Variants in SYAP1 observed in about 807,000 individuals in gnomAD.
The protein encoded by SYAP1 is synapse-associated protein 1.
SYAP1 carries 3 observed loss-of-function variants against 29.6 expected under a neutral mutation model. The observed-to-expected ratio is 0.10, with a 90% CI of 0.05 to 0.26. The LOEUF (loss-of-function observed/expected upper bound fraction) is 0.26, where lower values mean the gene tolerates loss of function less well. SYAP1 is among the 10% of genes least tolerant of loss of function. SYAP1 has a pLI of 1.00. For missense variants in SYAP1, 217 were observed against 264.1 expected, an observed-to-expected ratio of 0.82 and a Z score of 1.24; for synonymous variants, 102 against 102.7, an observed-to-expected ratio of 0.99 and a Z score of 0.04.
Position 16,736,177 on chromosome X carries a change from A to G in SYAP1, c.306A>G (p.Gly102=), listed in dbSNP as rs1926325056. The change falls in exon 3 of 9, where the codon GGA becomes GGG. Residue 102 remains glycine (G), a synonymous_variant. Transcript: ENST00000380155. The part of the protein sequence containing the change: ...IDGIIDKTII[G]DFQKEQKKFV... The stretch of plus-strand genomic sequence containing the variant: ...ATTTTTTTTAACAGACAATTATAGG[A>G]GATTTTCAGAAGGAACAGAAAAAAT... 1 of 1,169,604 alleles carries G rather than the reference A, an allele frequency of 8.5e-7. No individual in the cohort carries two copies. Among genetic ancestry groups the G allele is most frequent in the Middle Eastern group, 2.4e-4 (1 of 4,242 alleles).
Position 16,755,062 on chromosome X carries a change from C to T in SYAP1, c.693C>T (p.Ser231=). The T allele has an allele frequency of 8.3e-7, 1 of 1,211,658 alleles. No individual in the cohort carries two copies. The highest frequency in any genetic ancestry group is 3.0e-5 in the East Asian group (1 of 33,836). ...QQQAAGKEEK[S]NGREQDLPLA... ...AGGCCGCAGGGAAGGAGGAGAAGAG[C>T]AATGGCAGAGAGCAAGATTTGCCGC... Residue 231 remains serine (S), a synonymous_variant, in exon 6 of 9, where the codon AGC becomes AGT. Coordinates refer to ENST00000380155, the MANE Select transcript of SYAP1 (RefSeq NM_032796.4).
chrX:16,752,313 A>G (rs1926751603), intron 5 of SYAP1, among the ~76,000 whole-genome samples: 1 of 107,318 alleles, frequency 9.3e-6, no homozygotes. Context: ...TTTTGTATTC[A>G]ACCCTCAAGA....
At chrX:16,759,538 G>A (rs1223170698) in intron 8 of SYAP1, among the ~76,000 whole-genome samples, 1 of 111,811 alleles carries the variant, frequency 8.9e-6, no homozygotes, top group Non-Finnish European at 1.9e-5. Flanking sequence ...AGACCAGTGT[G>A]AGAGCTCCAG....
intron 7 of SYAP1, 42 bp from the exon 8 acceptor site, chrX:16,757,120 C>T (rs2147438094): frequency 4.2e-6 from 5 of 1,195,380 alleles, no homozygotes; most frequent in Non-Finnish European, 2.3e-6. Flanking sequence ...ACACAAATGT[C>T]GCTTAGCAAA....
intron 1 of SYAP1, 109 bp from the exon 2 acceptor site, chrX:16,735,118 C>CTTATGAACA (rs1427471021): frequency 2.4e-6 from 1 of 415,034 alleles, no homozygotes; most frequent in East Asian, 4.4e-5. Context: ...TTACTTGTTT[C>CTTATGAACA]AGGTCCTTAT....
At chrX:16,747,252 G>T (rs1430943320) in intron 5 of SYAP1, among the ~76,000 whole-genome samples, 1 of 111,922 alleles carries the variant, frequency 8.9e-6, no homozygotes, top group Non-Finnish European at 1.9e-5. Context: ...GCTCCTGGTA[G>T]AATTGAATTT....
In SYAP1 at chrX:16,729,696, C is replaced by A. The variant is rs977704127; in HGVS notation, c.176-5531C>A. Reference sequence around the variant, plus strand: ...ACGGGGTTTCACAATGTTGGCCAGGCTGGTCTTGAACTCCTGACCTTGTGA... The same window carrying A: ...ACGGGGTTTCACAATGTTGGCCAGGATGGTCTTGAACTCCTGACCTTGTGA... On this transcript the variant is annotated intron_variant, in intron 1 of 8. Transcript: ENST00000380155. Among the ~76,000 whole-genome samples the A allele has an allele frequency of 5.4e-5, 6 of 110,711 alleles. No individual in the cohort carries two copies. In the South Asian group the frequency reaches 1.1e-3, roughly 21 times the overall value.
rs764669697 is a variant in SYAP1 at position 16,760,360 on chromosome X, C to T, written c.*1C>T. 1 of 1,185,936 alleles carries T rather than the reference C, an allele frequency of 8.4e-7. No homozygotes were observed. The highest frequency in any genetic ancestry group is 2.4e-5 in the Admixed American group (1 of 41,001). ...GAAAATGCTTCAAGAGGAAAATTAG[C>T]TGTTCCTGAAATAGAAGAATAATCC... On this transcript the variant is annotated 3_prime_UTR_variant, in exon 9 of 9. Transcript: ENST00000380155.
intron 8 of SYAP1, among the ~76,000 whole-genome samples, chrX:16,759,140 T>C (rs1339057742): frequency 2.9e-5 from 3 of 103,236 alleles, no homozygotes; most frequent in African/African-American, 1.1e-4. Flanking sequence ...TGCAGTGACC[T>C]GAGATCATGC....
chrX:16,754,084 T>A (rs1268189212), intron 5 of SYAP1, among the ~76,000 whole-genome samples: 1 of 111,387 alleles, frequency 9.0e-6, no homozygotes, highest in African/African-American at 3.3e-5. Context: ...AATCTTTTTA[T>A]CAAGCATTTC....
chrX:16,755,085 C>T lies in SYAP1; in HGVS notation c.716C>T (p.Pro239Leu), dbSNP rs765385480. Residue 239 changes from proline (P) to leucine (L), a missense_variant, in exon 6 of 9, where the codon CCG becomes CTG. Physicochemically the swap from Pro to Leu is moderately conservative, Grantham distance 98. Transcript: ENST00000380155. ...EKSNGREQDL[P>L]LAEAVRPKTP... ...AGCAATGGCAGAGAGCAAGATTTGC[C>T]GCTGGCAGGTATATTCTGGGTAGAA... 8.3e-7 allele frequency: 1 copy of T among 1,211,224 alleles called. No homozygotes were observed. The highest frequency in any genetic ancestry group is 2.2e-5 in the Admixed American group (1 of 45,962).
chrX:16,740,011 G>C (rs1000773417), intron 3 of SYAP1, among the ~76,000 whole-genome samples: 2 of 111,073 alleles, frequency 1.8e-5, no homozygotes, highest in Admixed American at 1.9e-4. Context: ...TAGCTGCTCC[G>C]TGCTGCTTAC....
chrX:16,739,476 CTTTTTTT>C (rs760754281), intron 3 of SYAP1, among the ~76,000 whole-genome samples: 6 of 81,525 alleles, frequency 7.4e-5, no homozygotes, highest in Non-Finnish European at 1.1e-4. Flanking sequence ...CTCTCTCTCT[CTTTTTTT>C]TTTTTTTTTT....
intron 1 of SYAP1, among the ~76,000 whole-genome samples, chrX:16,734,247 C>T (rs1410830444): frequency 7.4e-5 from 8 of 108,736 alleles, no homozygotes; most frequent in Non-Finnish European, 1.3e-4. Context: ...GGTGTGGTGG[C>T]GGGCGCCTGT....
At position 16,735,018 on chromosome X, in the gene SYAP1, A is replaced by AAAAAAAAAAAAAAC. The variant is rs1569248728; in HGVS notation, c.176-205_176-204insAAAAAAAAACAAAA. Among the ~76,000 whole-genome samples, 2 of 93,707 alleles carry AAAAAAAAAAAAAAC rather than the reference A, an allele frequency of 2.1e-5. 1 individual carries two copies. 81.4% of individuals were successfully genotyped at this position (93,707 alleles called of 115,157 possible). On this transcript the variant is annotated intron_variant, in intron 1 of 8. Transcript: ENST00000380155. ...TCTCAAAAAAAAAAAAAAAAAAAAA[A>AAAAAAAAAAAAAAC]AAAACAAAAAAAGAGATGAATGAAA...
At chrX:16,719,993 G>A (rs1925924777) in intron 1 of SYAP1, 94 bp downstream of exon 1, 6 of 922,232 alleles carry the variant, frequency 6.5e-6, no homozygotes, top group South Asian at 2.3e-5. Context: ...TGGGGGATGA[G>A]GGGGCCGAGG....
chrX:16,751,680 C>CT (rs771762320), intron 5 of SYAP1, among the ~76,000 whole-genome samples: 1,910 of 95,325 alleles, frequency 0.02, 46 homozygotes, highest in African/African-American at 0.057. Flanking sequence ...TTTTTCTTTT[C>CT]TTTTTTTTTT....
intron 1 of SYAP1, among the ~76,000 whole-genome samples, chrX:16,729,502 T>A (rs1602321439): frequency 2.0e-5 from 2 of 98,672 alleles, no homozygotes; most frequent in South Asian, 4.2e-4. Context: ...TTTTTTTTTT[T>A]AGAGACAGAG....
At chrX:16,748,774 A>ATTT in intron 5 of SYAP1, among the ~76,000 whole-genome samples, 1 of 88,711 alleles carries the variant, frequency 1.1e-5, no homozygotes, top group Non-Finnish European at 2.2e-5. Flanking sequence ...TTTTTTTTTG[A>ATTT]GACAGAGTCT....
Sources: gnomAD v4.1 joint callset for allele counts (sites outside exome capture counted in the v4.1 genomes callset) on GRCh38, gnomAD v4.1.1 for gene constraint, MANE v1.5 for transcripts, NCBI Gene and HGNC (gene_info 2026-07-23, HGNC 2026-07-21) for gene names.